BABAM2: variants seen among roughly 807,000 people sequenced by gnomAD.
The protein encoded by BABAM2 is BRISC and BRCA1-A complex member 2.
BABAM2 carries 31 observed loss-of-function variants against 54.7 expected under a neutral mutation model. The observed-to-expected ratio is 0.57, with a 90% CI of 0.43 to 0.77. BABAM2 has a LOEUF of 0.77. Ranked by LOEUF, BABAM2 falls within the 30% of genes least tolerant of loss-of-function variation. The pLI, the probability that BABAM2 is intolerant of heterozygous loss-of-function variation, is 0.00. For missense variants in BABAM2, 364 were observed against 455.8 expected (o/e 0.80, Z 1.83); for synonymous variants, 167 against 162.9 (o/e 1.03, Z -0.19).
intron 2 of BABAM2, among the ~76,000 whole-genome samples, chr2:27,922,546 A>G (rs1463965962): frequency 6.6e-6 from 1 of 152,236 alleles, no homozygotes; most frequent in African/African-American, 2.4e-5. Context: ...CATAATCTGT[A>G]TAATGTGAGT....
intron 4 of BABAM2, among the ~76,000 whole-genome samples, chr2:27,991,749 A>G (rs955983493): frequency 5.9e-5 from 9 of 152,344 alleles, no homozygotes; most frequent in East Asian, 1.9e-4. Flanking sequence ...ATACGATTAC[A>G]TCGTGTGCAT....
At chr2:28,019,082 T>C (rs1377448199) in intron 4 of BABAM2, among the ~76,000 whole-genome samples, 2 of 152,146 alleles carry the variant, frequency 1.3e-5, no homozygotes, top group Admixed American at 6.5e-5. Context: ...CTCCCACTTA[T>C]GAGTGAGAGC....
In BABAM2 at chr2:28,013,694, TACACACACACACACAC is replaced by T. The variant is rs56148921; in HGVS notation, c.301-11511_301-11496del. ...AAAAAAAAAAAAAAAAAAAAGCTCT[TACACACACACACACAC>T]ACACACACACACACACACACGTGTG... On this transcript the variant is annotated intron_variant, in intron 4 of 11. Coordinates refer to ENST00000379624, the MANE Select transcript of BABAM2 (RefSeq NM_199191.3). Among the ~76,000 whole-genome samples, 7 of 105,996 alleles carry T rather than the reference TACACACACACACACAC, an allele frequency of 6.6e-5. No individual in the cohort carries two copies. In the East Asian group the frequency reaches 9.2e-4, roughly 14 times the overall value. 69.5% of individuals were successfully genotyped at this position (105,996 alleles called of 152,430 possible). A position where few individuals can be genotyped will look rare whatever the true frequency, so the allele number is the denominator to read the frequency against.
chr2:28,094,076 A>G (rs1429304435), intron 6 of BABAM2, among the ~76,000 whole-genome samples: 1 of 152,194 alleles, frequency 6.6e-6, no homozygotes, highest in African/African-American at 2.4e-5. Flanking sequence ...TTATCAGAAC[A>G]ATGGACTGAC....
At chr2:28,317,700 C>G (rs1040785828) in intron 11 of BABAM2, among the ~76,000 whole-genome samples, 3 of 152,232 alleles carry the variant, frequency 2.0e-5, no homozygotes, top group Non-Finnish European at 4.4e-5. Flanking sequence ...TCCTCTCTGA[C>G]CACTTACGTA....
At chr2:28,243,936 A>C (rs571364435) in intron 9 of BABAM2, among the ~76,000 whole-genome samples, 4 of 152,122 alleles carry the variant, frequency 2.6e-5, no homozygotes. Context: ...AGGACATCAG[A>C]GTCCTCCTTG....
At chr2:28,124,749 C>T (rs921982244) in intron 6 of BABAM2, among the ~76,000 whole-genome samples, 1 of 152,118 alleles carries the variant, frequency 6.6e-6, no homozygotes, top group Non-Finnish European at 1.5e-5. Flanking sequence ...CAGAACAAGA[C>T]CAAACAAAGC....
Position 27,959,549 on chromosome 2 carries a change from G to GT in BABAM2, c.206-28433dup, listed in dbSNP as rs528349308. The stretch of plus-strand genomic sequence containing the variant: ...CTATTTCAATATTTCTTAATGTTCT[G>GT]TTTTTTTTTTTCCTGCTGTGTTGGA... On this transcript the variant is annotated intron_variant, in intron 3 of 11. Transcript: ENST00000379624. Among the ~76,000 whole-genome samples, 761 of 146,304 alleles carry GT rather than the reference G, an allele frequency of 5.2e-3. 2 individuals are homozygous for GT. Among genetic ancestry groups the GT allele is most frequent in the African/African-American group, 6.5e-3 (261 of 40,036 alleles).
intron 2 of BABAM2, among the ~76,000 whole-genome samples, chr2:27,908,777 G>T (rs1558578281): frequency 1.3e-5 from 2 of 152,118 alleles, no homozygotes; most frequent in Non-Finnish European, 2.9e-5. Flanking sequence ...TGCTGCAAAG[G>T]ATGTGATTTC....
chr2:28,097,955 A>C (rs1216221003), intron 6 of BABAM2, among the ~76,000 whole-genome samples: 1 of 152,180 alleles, frequency 6.6e-6, no homozygotes, highest in African/African-American at 2.4e-5. Context: ...TATTCCAACT[A>C]ATACCATATC....
intron 10 of BABAM2, among the ~76,000 whole-genome samples, chr2:28,269,079 C>T (rs773947547): frequency 2.2e-4 from 34 of 152,134 alleles, no homozygotes; most frequent in Admixed American, 2.6e-4. Flanking sequence ...ACAGTTATCA[C>T]GAGAAGTACA....
intron 7 of BABAM2, among the ~76,000 whole-genome samples, chr2:28,133,440 T>C (rs1406712815): frequency 6.6e-6 from 1 of 152,230 alleles, no homozygotes; most frequent in Non-Finnish European, 1.5e-5. Context: ...CTGAGGCTTG[T>C]ACTCCTTTTG....
chr2:28,273,839 C>T (rs895688492), intron 10 of BABAM2, among the ~76,000 whole-genome samples: 1 of 152,220 alleles, frequency 6.6e-6, no homozygotes, highest in Non-Finnish European at 1.5e-5. Flanking sequence ...TTCTCAGCCT[C>T]ACCACGCAGT....
intron 7 of BABAM2, among the ~76,000 whole-genome samples, chr2:28,184,707 T>C (rs939147645): frequency 6.6e-6 from 1 of 152,200 alleles, no homozygotes; most frequent in African/African-American, 2.4e-5. Flanking sequence ...CATATTTTCT[T>C]AATCCAGTCT....
intron 7 of BABAM2, among the ~76,000 whole-genome samples, chr2:28,147,319 GT>G (rs969237044): frequency 3.3e-5 from 5 of 152,040 alleles, no homozygotes; most frequent in Admixed American, 6.5e-5. Context: ...ATTTGCTTAA[GT>G]TCACATCTTT....
At chr2:28,182,245 G>T (rs1436349345) in intron 7 of BABAM2, among the ~76,000 whole-genome samples, 2 of 152,190 alleles carry the variant, frequency 1.3e-5, no homozygotes, top group Non-Finnish European at 2.9e-5. Flanking sequence ...AATAGCGTGT[G>T]CAGGGATGTG....
At chr2:27,922,446 A>G (rs72810585) in intron 2 of BABAM2, among the ~76,000 whole-genome samples, 12,244 of 152,276 alleles carry the variant, frequency 0.08, 759 homozygotes, top group African/African-American at 0.17. Flanking sequence ...TTATTGCGTC[A>G]ATGATTAACT....
rs770284745 is a variant in BABAM2, at chr2:28,211,386, CTTT to C, written c.681-25800_681-25798del. On this transcript the variant is annotated intron_variant, in intron 7 of 11. Transcript: ENST00000379624. ...CCATGTATAGTTCCTTCCTTATTATCTTTTTTTTTTTTTTTTTTGAGAAAGAGT... is the reference window on the plus strand; with the variant it reads ...CCATGTATAGTTCCTTCCTTATTATCTTTTTTTTTTTTTTTGAGAAAGAGT... Among the ~76,000 whole-genome samples, 53 of 96,898 alleles carry C rather than the reference CTTT, an allele frequency of 5.5e-4. 1 individual carries two copies. Among genetic ancestry groups the C allele is most frequent in the African/African-American group, 1.7e-3 (47 of 28,098 alleles). 63.6% of individuals were successfully genotyped at this position (96,898 alleles called of 152,430 possible).
intron 4 of BABAM2, among the ~76,000 whole-genome samples, chr2:28,008,716 C>T (rs974547602): frequency 2.0e-5 from 3 of 152,044 alleles, no homozygotes; most frequent in African/African-American, 7.2e-5. Flanking sequence ...TTGGCACTTT[C>T]CCCCCAGGGC....
Sources: allele counts gnomAD v4.1 joint callset (sites outside exome capture counted in the v4.1 genomes callset), GRCh38; gene constraint gnomAD v4.1.1; transcripts MANE v1.5; gene names NCBI Gene and HGNC (gene_info 2026-07-23, HGNC 2026-07-21).